MYO9A: variants seen among roughly 807,000 people sequenced by gnomAD.
The protein encoded by MYO9A is myosin IXA, also known as unconventional myosin-IXa.
In MYO9A, 103 loss-of-function variants were observed where a neutral mutation model predicts 293.3. The observed-to-expected ratio is 0.35, with a 90% CI of 0.30 to 0.41. The LOEUF is 0.41. MYO9A is among the 10% of genes least tolerant of loss of function. MYO9A has a pLI of 1.00. For synonymous variants in MYO9A, 1,001 were observed against 1,035.7 expected, an observed-to-expected ratio of 0.97 and a Z score of 0.64; for missense variants, 2,685 against 3,033.0, an observed-to-expected ratio of 0.89 and a Z score of 2.69.
chr15:71,923,969 C>T (rs1397100560), intron 18 of MYO9A, among the ~76,000 whole-genome samples: 2 of 152,060 alleles, frequency 1.3e-5, no homozygotes, highest in East Asian at 1.9e-4. Flanking sequence ...CACTTACTAA[C>T]GTAGACAATT....
rs55702902 is a variant in MYO9A, at chr15:71,873,144, C to T, written c.5979+2647G>A. 4.6e-5 allele frequency among the ~76,000 whole-genome samples: 7 copies of T among 151,608 alleles called. No individual in the cohort carries two copies. The South Asian group carries it at 1.3e-3, about 27-fold the overall frequency. On this transcript the variant is annotated intron_variant, in intron 32 of 41. Transcript: ENST00000356056. Reference sequence around the variant, plus strand: ...GTTGGCCAGGCTGGTCTCGAACTCCCGACCTCAGGTGATCCACACCTGCCT... The same window carrying T: ...GTTGGCCAGGCTGGTCTCGAACTCCTGACCTCAGGTGATCCACACCTGCCT...
At chr15:71,933,223 T>C (rs1389911675) in intron 18 of MYO9A, among the ~76,000 whole-genome samples, 2 of 152,180 alleles carry the variant, frequency 1.3e-5, no homozygotes, top group African/African-American at 4.8e-5. Flanking sequence ...CAGAGCCAAC[T>C]AGTTATATCA....
intron 11 of MYO9A, among the ~76,000 whole-genome samples, chr15:71,980,195 C>T (rs555584218): frequency 6.6e-6 from 1 of 152,116 alleles, no homozygotes; most frequent in Non-Finnish European, 1.5e-5. Context: ...TTAAAAATAA[C>T]GTCTTATGAC....
chr15:71,912,104 C>A (rs1051422863), intron 19 of MYO9A, among the ~76,000 whole-genome samples: 1 of 152,056 alleles, frequency 6.6e-6, no homozygotes, highest in Admixed American at 6.6e-5. Flanking sequence ...TAATACTATA[C>A]CATGTTCTGT....
intron 2 of MYO9A, 63 bp from the exon 3 acceptor site, chr15:72,032,651 G>T: frequency 9.5e-7 from 1 of 1,053,946 alleles, no homozygotes; most frequent in Non-Finnish European, 1.4e-6. Context: ...TTGGAGGGGG[G>T]ATTAGGTCAG....
rs1194543718 is a variant in MYO9A at position 71,899,045 on chromosome 15, A to G, written c.3471-13T>C. 6.4e-7 allele frequency: 1 copy of G among 1,553,106 alleles called. No homozygotes were observed. The highest frequency in any genetic ancestry group is 1.2e-5 in the South Asian group (1 of 82,540). ...TAAAGCTTTAAATCTATATAAAAACAGACAAAATGGGTTATAGAAATATCT... is the reference window on the plus strand; with the variant it reads ...TAAAGCTTTAAATCTATATAAAAACGGACAAAATGGGTTATAGAAATATCT... On this transcript the variant is annotated splice_polypyrimidine_tract_variant and intron_variant, in intron 24 of 41. Coordinates refer to ENST00000356056, the MANE Select transcript of MYO9A (RefSeq NM_006901.4).
intron 28 of MYO9A, among the ~76,000 whole-genome samples, chr15:71,882,145 C>A (rs2056890229): frequency 6.6e-6 from 1 of 152,126 alleles, no homozygotes; most frequent in African/African-American, 2.4e-5. Context: ...TGAGAAGATG[C>A]TGGTTTCTTA....
chr15:72,008,436 G>GGGGT (rs1555403672), intron 7 of MYO9A, among the ~76,000 whole-genome samples: 22 of 138,738 alleles, frequency 1.6e-4, no homozygotes, highest in African/African-American at 4.6e-4. Flanking sequence ...GAGGTAAATG[G>GGGGT]GTGTGTGTGT....
intron 1 of MYO9A, among the ~76,000 whole-genome samples, chr15:72,070,800 G>A (rs1388645297): frequency 6.6e-6 from 1 of 152,092 alleles, no homozygotes; most frequent in Non-Finnish European, 1.5e-5. Context: ...ATAAACAATG[G>A]GGAGATGACA....
chr15:71,978,024 A>C lies in MYO9A; in HGVS notation c.1844+147T>G, dbSNP rs185862473. 1,062 of 885,690 alleles carry C rather than the reference A, an allele frequency of 1.2e-3. 7 individuals carry two copies. The highest frequency in any genetic ancestry group is 1.7e-3 in the East Asian group (56 of 33,426). The allele number at this position is 885,690 out of a possible 1,614,324, so 54.9% of individuals were successfully genotyped here. A position where few individuals can be genotyped will look rare whatever the true frequency, so the allele number is the denominator to read the frequency against. ...TGCACTCCAGCCTGGGTGACAGATC[A>C]AGACTCCGTCTCAAAAATAAATAAA... On this transcript the variant is annotated intron_variant, in intron 12 of 41. Transcript: ENST00000356056.
intron 1 of MYO9A, among the ~76,000 whole-genome samples, chr15:72,093,112 G>A (rs2079968204): frequency 6.6e-6 from 1 of 152,082 alleles, no homozygotes; most frequent in Non-Finnish European, 1.5e-5. Context: ...CAACACACAT[G>A]CAAAAATTTC....
chr15:71,943,828 G>A (rs1240781218), intron 15 of MYO9A, among the ~76,000 whole-genome samples: 2 of 152,086 alleles, frequency 1.3e-5, no homozygotes, highest in Non-Finnish European at 1.5e-5. Context: ...CCACTTTAGA[G>A]ATTCATACGT....
chr15:71,858,400 A>C (rs1296967950), intron 34 of MYO9A, among the ~76,000 whole-genome samples: 2 of 152,176 alleles, frequency 1.3e-5, no homozygotes, highest in African/African-American at 2.4e-5. Context: ...AATGTGGCAC[A>C]TATACAGCAT....
intron 1 of MYO9A, among the ~76,000 whole-genome samples, chr15:72,103,423 A>AAGCAGC (rs1171430518): frequency 2.7e-5 from 4 of 146,190 alleles, no homozygotes; most frequent in Non-Finnish European, 5.9e-5. Context: ...GCAGCAGCAG[A>AAGCAGC]AGCAGCAGCA....
rs1295185156 is a variant in MYO9A, at chr15:71,888,096, T to A, written c.5163A>T (p.Ser1721=). The A allele has an allele frequency of 1.2e-6, 2 of 1,605,992 alleles. No individual in the cohort carries two copies. The highest frequency in any genetic ancestry group is 1.7e-6 in the Non-Finnish European group (2 of 1,175,120). Residue 1721 remains serine (S), a synonymous_variant, in exon 27 of 42, where the codon TCA becomes TCT. Transcript: ENST00000356056. ...TATGAAGTTTTGCTTGTTCATCAAC[T>A]GACGAAAATCGCTGTGATGTCTGTA... is the stretch of plus-strand genomic sequence containing the variant. The part of the protein sequence containing the change: ...GQRETSQRFS[S]VDEQAKLHKT...
intron 32 of MYO9A, among the ~76,000 whole-genome samples, chr15:71,867,596 A>T (rs1321495364): frequency 7.4e-6 from 1 of 134,952 alleles, no homozygotes; most frequent in Admixed American, 8.2e-5. Context: ...GACTGCAGTT[A>T]AAAAAAAAAA....
At chr15:72,069,700 A>G (rs2150142081) in intron 1 of MYO9A, among the ~76,000 whole-genome samples, 1 of 152,240 alleles carries the variant, frequency 6.6e-6, no homozygotes, top group African/African-American at 2.4e-5. Flanking sequence ...CAAAGTAAAC[A>G]GTGACTCTTT....
intron 7 of MYO9A, among the ~76,000 whole-genome samples, chr15:72,010,054 A>G (rs35909900): frequency 6.6e-6 from 1 of 152,198 alleles, no homozygotes; most frequent in Non-Finnish European, 1.5e-5. Flanking sequence ...AAATAGTGTT[A>G]CAAAGCAAAA....
At chr15:71,838,680 C>T (rs1406278055) in intron 39 of MYO9A, among the ~76,000 whole-genome samples, 4 of 152,102 alleles carry the variant, frequency 2.6e-5, no homozygotes. Context: ...ATTTCCAATC[C>T]TTTATAGCAC....
Sources: allele counts gnomAD v4.1 joint callset (sites outside exome capture counted in the v4.1 genomes callset), GRCh38; gene constraint gnomAD v4.1.1; transcripts MANE v1.5; gene names NCBI Gene and HGNC (gene_info 2026-07-23, HGNC 2026-07-21).